ZMYM1: variants seen among roughly 807,000 people sequenced by gnomAD.
ZMYM1 encodes the protein zinc finger MYM-type containing 1.
ZMYM1 carries 39 observed loss-of-function variants against 60.0 expected under a neutral mutation model. That is an observed-to-expected ratio of 0.65 (90% CI 0.50 to 0.85). The LOEUF (loss-of-function observed/expected upper bound fraction) is 0.85. ZMYM1 is among the 40% of genes least tolerant of loss of function. ZMYM1 has a pLI of 0.00. For synonymous variants in ZMYM1, 413 were observed against 454.0 expected (o/e 0.91, Z 1.15); for missense variants, 1,171 against 1,309.5 (o/e 0.89, Z 1.63).
intron 3 of ZMYM1, among the ~76,000 whole-genome samples, chr1:35,096,475 AACC>A (rs1167189764): frequency 2.6e-5 from 4 of 151,662 alleles, no homozygotes; most frequent in Non-Finnish European, 5.9e-5. Context: ...AAAATTTAAA[AACC>A]AGGTGTGGTG....
intron 1 of ZMYM1, among the ~76,000 whole-genome samples, chr1:35,081,601 T>C (rs1258796381): frequency 3.9e-5 from 6 of 152,228 alleles, no homozygotes; most frequent in African/African-American, 1.2e-4. Context: ...CTTTAATAGC[T>C]TTCATTAGAT....
chr1:35,099,487 A>T (rs1643522741), intron 4 of ZMYM1, among the ~76,000 whole-genome samples: 1 of 152,176 alleles, frequency 6.6e-6, no homozygotes, highest in Admixed American at 6.5e-5. Flanking sequence ...ATGAGTAAAA[A>T]TCTGAGATAA....
At chr1:35,074,954 G>A (rs189465563), upstream of ZMYM1, among the ~76,000 whole-genome samples, 2 of 151,844 alleles carry the variant, frequency 1.3e-5, no homozygotes, top group African/African-American at 4.8e-5. Context: ...TCTGCCTCCT[G>A]GGTTTACGCC....
At chr1:35,102,252 T>G (rs1445494148) in intron 4 of ZMYM1, among the ~76,000 whole-genome samples, 3 of 152,152 alleles carry the variant, frequency 2.0e-5, no homozygotes, top group Non-Finnish European at 4.4e-5. Context: ...TAAAGGCTAG[T>G]TGCAATGTGG....
chr1:35,087,877 A>G (rs1642742827), intron 1 of ZMYM1, among the ~76,000 whole-genome samples: 1 of 151,962 alleles, frequency 6.6e-6, no homozygotes, highest in Non-Finnish European at 1.5e-5. Flanking sequence ...CCTGGCCAAG[A>G]TGGTGAAACC....
intron 1 of ZMYM1, among the ~76,000 whole-genome samples, chr1:35,088,934 T>C (rs1642836880): frequency 6.6e-6 from 1 of 151,208 alleles, no homozygotes; most frequent in Non-Finnish European, 1.5e-5. Context: ...GTCTCAGCCT[T>C]CCGAGTAGCT....
At chr1:35,096,491 G>A (rs1372989610) in intron 3 of ZMYM1, among the ~76,000 whole-genome samples, 1 of 151,470 alleles carries the variant, frequency 6.6e-6, no homozygotes, top group Non-Finnish European at 1.5e-5. Flanking sequence ...GTGTGGTGGT[G>A]CATGCCTATA....
At chr1:35,083,303 A>G (rs959996156) in intron 1 of ZMYM1, among the ~76,000 whole-genome samples, 10 of 152,064 alleles carry the variant, frequency 6.6e-5, no homozygotes, top group Admixed American at 6.5e-4. Flanking sequence ...GATGCATACC[A>G]TCATACCCAG....
chr1:35,061,282 T>G (rs1348085373), intron 1 of ZMYM1, among the ~76,000 whole-genome samples: 2 of 152,190 alleles, frequency 1.3e-5, no homozygotes, highest in East Asian at 3.8e-4. Context: ...ATAACTCAAC[T>G]TCAGCATGTT....
intron 4 of ZMYM1, among the ~76,000 whole-genome samples, chr1:35,100,978 A>AT (rs1417212022): frequency 6.6e-6 from 1 of 151,204 alleles, no homozygotes; most frequent in Non-Finnish European, 1.5e-5. Flanking sequence ...CAGTTTTTGT[A>AT]TTTTTTTGTA....
At chr1:35,066,318 C>T (rs1467800571) in intron 1 of ZMYM1, among the ~76,000 whole-genome samples, 2 of 152,216 alleles carry the variant, frequency 1.3e-5, no homozygotes, top group Non-Finnish European at 2.9e-5. Context: ...CTGCCTCAGC[C>T]TCCCAAGTAG....
At chr1:35,086,633 G>C (rs1049638326) in intron 1 of ZMYM1, among the ~76,000 whole-genome samples, 7 of 151,640 alleles carry the variant, frequency 4.6e-5, no homozygotes, top group African/African-American at 1.7e-4. Context: ...TATTGTAACT[G>C]CCTTATATTT....
In ZMYM1 at chr1:35,087,508, C is replaced by T. The variant is rs139501153; in HGVS notation, c.-74-6406C>T. 1.5e-4 allele frequency among the ~76,000 whole-genome samples: 23 copies of T among 151,820 alleles called. No homozygotes were observed. The East Asian group carries it at 4.3e-3, about 29-fold the overall frequency. On this transcript the variant is annotated intron_variant, in intron 1 of 9. Transcript: ENST00000359858. ...ATGGCGCAGTCTCAGTTCACTGCAA[C>T]CTCTGCCTCCTGGGTGCAAGTGATT...
In ZMYM1 at chr1:35,113,726, T is replaced by A; in HGVS notation, c.1896T>A (p.Asp632Glu). The change falls in exon 10 of 10, where the codon GAT becomes GAA. Residue 632 changes from aspartate (D) to glutamate (E), a missense_variant. By Grantham distance (45) the Asp-to-Glu change is conservative. Transcript: ENST00000359858. Reference sequence around the variant, plus strand: ...TAATAAAGACTGAAATGTTGCAGGATATTGTGAATGAGATCAATGACTCCT... The same window carrying A: ...TAATAAAGACTGAAATGTTGCAGGAAATTGTGAATGAGATCAATGACTCCT... ...IEIIKTEMLQ[D>E]IVNEINDSSA... is the part of the protein sequence containing the mutation. 6.2e-7 allele frequency: 1 copy of A among 1,613,928 alleles called. No homozygotes were observed. Among genetic ancestry groups the A allele is most frequent in the Non-Finnish European group, 8.5e-7 (1 of 1,179,884 alleles).
chr1:35,105,209 A>C (rs1301199645), intron 6 of ZMYM1, among the ~76,000 whole-genome samples: 3 of 132,114 alleles, frequency 2.3e-5, no homozygotes, highest in African/African-American at 8.9e-5. Context: ...ATCTCGGCTC[A>C]CTGCAAGTTC....
At chr1:35,091,909 A>AAAAAG (rs71029066) in intron 1 of ZMYM1, among the ~76,000 whole-genome samples, 1 of 147,486 alleles carries the variant, frequency 6.8e-6, no homozygotes, top group African/African-American at 2.5e-5. Flanking sequence ...AAAAAAAAAA[A>AAAAAG]GAGAAAAAGA....
Position 35,114,263 on chromosome 1 carries a change from C to A in ZMYM1, c.2433C>A (p.Val811=). 1 of 1,613,788 alleles carries A rather than the reference C, an allele frequency of 6.2e-7. No homozygotes were observed. The highest frequency in any genetic ancestry group is 1.1e-5 in the South Asian group (1 of 91,046). Residue 811 remains valine (V), a synonymous_variant, in exon 10 of 10, where the codon GTC becomes GTA. Coordinates refer to ENST00000359858, the MANE Select transcript of ZMYM1 (RefSeq NM_024772.5). The stretch of plus-strand genomic sequence containing the variant: ...ATATATCACAATCATGTTGGACAGT[C>A]CATGATCGTACATTACTATCTGTGA... ...KKHISQSCWT[V]HDRTLLSVID... is the part of the protein sequence containing the mutation.
At chr1:35,101,137 C>G (rs1453116943) in intron 4 of ZMYM1, among the ~76,000 whole-genome samples, 1 of 132,872 alleles carries the variant, frequency 7.5e-6, no homozygotes, top group African/African-American at 2.8e-5. Context: ...GAGGCGGAGT[C>G]TCACCGTTTT....
intron 1 of ZMYM1, 28 bp from the exon 2 acceptor site, chr1:35,093,886 C>A: frequency 1.2e-6 from 1 of 805,500 alleles, no homozygotes; most frequent in South Asian, 2.3e-5. Context: ...ATTTTAAAAT[C>A]AAACTCTTTA....
Sources: allele counts gnomAD v4.1 joint callset (sites outside exome capture counted in the v4.1 genomes callset), GRCh38; gene constraint gnomAD v4.1.1; transcripts MANE v1.5; gene names NCBI Gene and HGNC (gene_info 2026-07-23, HGNC 2026-07-21).